Variants in COG5 observed in about 807,000 individuals in gnomAD.
The protein encoded by COG5 is component of oligomeric golgi complex 5.
A neutral mutation model predicts 110.4 loss-of-function variants in COG5; 86 were observed. The observed-to-expected ratio is 0.78, with a 90% CI of 0.65 to 0.93. The LOEUF (loss-of-function observed/expected upper bound fraction) is 0.93. Ranked by LOEUF, COG5 falls within the 40% of genes least tolerant of loss-of-function variation. The pLI, the probability that COG5 is intolerant of heterozygous loss-of-function variation, is 0.00. For synonymous variants in COG5, 360 were observed against 334.6 expected, an observed-to-expected ratio of 1.08 and a Z score of -0.83; for missense variants, 1,077 against 987.0, an observed-to-expected ratio of 1.09 and a Z score of -1.22.
chr7:107,455,830 TC>T lies in COG5; in HGVS notation c.539-43199del, dbSNP rs572685208. ...GTTTTTGAGACAGAGTCTCACTCCA[TC>T]CACCTAGGCTGGAGTGCACTGGTGC... On this transcript the variant is annotated intron_variant, in intron 6 of 21. Transcript: ENST00000297135. Among the ~76,000 whole-genome samples, 840 of 152,274 alleles carry T rather than the reference TC, an allele frequency of 5.5e-3. 8 individuals carry two copies. The highest frequency in any genetic ancestry group is 0.019 in the African/African-American group (809 of 41,562).
Position 107,547,089 on chromosome 7 carries a change from T to A in COG5, c.417+1022A>T, listed in dbSNP as rs371100233. ...CACTACAGGAAAAGAAAATTACAGG[T>A]CAATATTCCTGATCAACACAGATGC... On this transcript the variant is annotated intron_variant, in intron 5 of 21. Coordinates refer to ENST00000297135, the MANE Select transcript of COG5 (RefSeq NM_006348.5). Among the ~76,000 whole-genome samples, 5 of 152,258 alleles carry A rather than the reference T, an allele frequency of 3.3e-5. No individual in the cohort carries two copies. The East Asian group carries it at 5.8e-4, about 18-fold the overall frequency.
chr7:107,387,177 G>A (rs1170993083), intron 7 of COG5, among the ~76,000 whole-genome samples: 3 of 152,172 alleles, frequency 2.0e-5, no homozygotes, highest in Non-Finnish European at 2.9e-5. Flanking sequence ...CCATGGTCAA[G>A]CAGATGGTAA....
intron 6 of COG5, among the ~76,000 whole-genome samples, chr7:107,510,902 G>C (rs1489940801): frequency 6.6e-6 from 1 of 152,194 alleles, no homozygotes. Flanking sequence ...GCAGTGTGTA[G>C]AGGGAAATTT....
At chr7:107,513,242 T>C (rs991512192) in intron 6 of COG5, among the ~76,000 whole-genome samples, 15 of 152,190 alleles carry the variant, frequency 9.9e-5, no homozygotes, top group Non-Finnish European at 1.6e-4. Flanking sequence ...GCAAAGGATA[T>C]GAACAGACAC....
At chr7:107,415,303 TA>T (rs1792640196) in intron 6 of COG5, among the ~76,000 whole-genome samples, 1 of 152,136 alleles carries the variant, frequency 6.6e-6, no homozygotes, top group Non-Finnish European at 1.5e-5. Context: ...ATAAGCAGAT[TA>T]TTTACAGATA....
chr7:107,233,695 G>C (rs542783727), intron 18 of COG5, among the ~76,000 whole-genome samples: 1 of 152,160 alleles, frequency 6.6e-6, no homozygotes, highest in Non-Finnish European at 1.5e-5. Flanking sequence ...GTGTATTTTT[G>C]ATTTCAGTGA....
chr7:107,278,735 T>C (rs1333403943), intron 14 of COG5, among the ~76,000 whole-genome samples: 2 of 151,940 alleles, frequency 1.3e-5, no homozygotes, highest in African/African-American at 2.4e-5. Context: ...GCTAACCATA[T>C]GCAGAAAACT....
In COG5 at chr7:107,496,079, G is replaced by A. The variant is rs150091683; in HGVS notation, c.538+31158C>T. ...TTACAGTCACATGCCACCATACCCA[G>A]TTGGACCGAACATTTAAAGAGTAAA... On this transcript the variant is annotated intron_variant, in intron 6 of 21. Coordinates refer to ENST00000297135, the MANE Select transcript of COG5 (RefSeq NM_006348.5). Among the ~76,000 whole-genome samples, 1,000 of 151,860 alleles carry A rather than the reference G, an allele frequency of 6.6e-3. 6 individuals carry two copies. Among genetic ancestry groups the A allele is most frequent in the Non-Finnish European group, 9.4e-3 (638 of 67,952 alleles).
At chr7:107,489,964 C>T (rs1797886180) in intron 6 of COG5, among the ~76,000 whole-genome samples, 1 of 152,092 alleles carries the variant, frequency 6.6e-6, no homozygotes, top group Admixed American at 6.6e-5. Context: ...CAATGTTCAG[C>T]ATAATACCTG....
At chr7:107,317,039 CT>C (rs2117028664) in intron 11 of COG5, among the ~76,000 whole-genome samples, 1 of 152,018 alleles carries the variant, frequency 6.6e-6, no homozygotes, top group African/African-American at 2.4e-5. Context: ...GGAACTTTTG[CT>C]TATGGTCACA....
At chr7:107,529,588 G>A (rs901960994) in intron 5 of COG5, among the ~76,000 whole-genome samples, 4 of 152,182 alleles carry the variant, frequency 2.6e-5, no homozygotes, top group African/African-American at 4.8e-5. Flanking sequence ...AGGGTAAGGA[G>A]GGCACTGGAC....
rs375491112 is a variant in COG5 at position 107,470,733 on chromosome 7, AG to A, written c.538+56503del. Among the ~76,000 whole-genome samples, 98 of 152,196 alleles carry A rather than the reference AG, an allele frequency of 6.4e-4. 1 individual carries two copies. The East Asian group carries it at 0.016, about 24-fold the overall frequency. On this transcript the variant is annotated intron_variant, in intron 6 of 21. Coordinates refer to ENST00000297135, the MANE Select transcript of COG5 (RefSeq NM_006348.5). Reference sequence around the variant, plus strand: ...AATGTAATCAGTACAGTTTTTCTCCAGTGTTTCAAAAATGCTTCTGTTTCTT... The same window carrying A: ...AATGTAATCAGTACAGTTTTTCTCCATGTTTCAAAAATGCTTCTGTTTCTT...
intron 6 of COG5, among the ~76,000 whole-genome samples, chr7:107,454,463 C>T (rs1368156149): frequency 6.6e-6 from 1 of 152,060 alleles, no homozygotes; most frequent in Non-Finnish European, 1.5e-5. Context: ...TTTTTAACGT[C>T]TTTATTCTTT....
rs773110122 is a variant in COG5 at position 107,435,482 on chromosome 7, G to A, written c.539-22850C>T. 3.9e-5 allele frequency among the ~76,000 whole-genome samples: 6 copies of A among 152,002 alleles called. No individual in the cohort carries two copies. In the East Asian group the frequency reaches 5.8e-4, roughly 15 times the overall value. On this transcript the variant is annotated intron_variant, in intron 6 of 21. Coordinates refer to ENST00000297135, the MANE Select transcript of COG5 (RefSeq NM_006348.5). ...AGCCTGACCAACATGGTGAAACCTC[G>A]TTTCTACTAAAAATACAAAAATTAG...
chr7:107,355,128 A>C (rs935247769), intron 10 of COG5, among the ~76,000 whole-genome samples: 1 of 152,224 alleles, frequency 6.6e-6, no homozygotes, highest in Non-Finnish European at 1.5e-5. Context: ...CTACAGATGA[A>C]GTCTTAGAAC....
intron 6 of COG5, among the ~76,000 whole-genome samples, chr7:107,455,972 A>C (rs911884346): frequency 6.7e-6 from 1 of 150,358 alleles, no homozygotes; most frequent in African/African-American, 2.5e-5. Context: ...TTTTTTTTTT[A>C]TTTTTTAGTA....
chr7:107,313,431 A>G (rs1808453457), intron 11 of COG5, among the ~76,000 whole-genome samples: 1 of 152,214 alleles, frequency 6.6e-6, no homozygotes, highest in Admixed American at 6.5e-5. Flanking sequence ...AGTTTAAATG[A>G]GTACCACCAT....
At chr7:107,309,341 G>A (rs752639554) in intron 11 of COG5, among the ~76,000 whole-genome samples, 2 of 151,842 alleles carry the variant, frequency 1.3e-5, no homozygotes, top group East Asian at 1.9e-4. Context: ...TTTACAGTTC[G>A]TTTTCTCTTC....
rs140944700 is a variant in COG5, at chr7:107,248,362, A to T, written c.1853+34T>A. ...GGTGGGAATACAAAATAAAGGCAGT[A>T]AAAGTTAGTAAAAATTTGGTTAGAA... On this transcript the variant is annotated intron_variant, in intron 17 of 21. Coordinates refer to ENST00000297135, the MANE Select transcript of COG5 (RefSeq NM_006348.5). 6,022 of 1,311,530 alleles carry T rather than the reference A, an allele frequency of 4.6e-3. 21 individuals carry two copies. Among genetic ancestry groups the T allele is most frequent in the Non-Finnish European group, 5.7e-3 (5,154 of 904,378 alleles). The allele number at this position is 1,311,530 out of a possible 1,614,324, so 81.2% of individuals were successfully genotyped here. A position where few individuals can be genotyped will look rare whatever the true frequency, so the allele number is the denominator to read the frequency against.
Sources: allele counts gnomAD v4.1 joint callset (sites outside exome capture counted in the v4.1 genomes callset), GRCh38; gene constraint gnomAD v4.1.1; transcripts MANE v1.5; gene names NCBI Gene and HGNC (gene_info 2026-07-23, HGNC 2026-07-21).